PITPNM2: variants seen among roughly 807,000 people sequenced by gnomAD.
The protein encoded by PITPNM2 is phosphatidylinositol transfer protein membrane associated 2, also known as membrane-associated phosphatidylinositol transfer protein 2.
PITPNM2 carries 35 observed loss-of-function variants against 132.2 expected under a neutral mutation model. The ratio of observed to expected loss-of-function variants is 0.26; its 90% CI spans 0.20 to 0.35. The LOEUF is 0.35. Ranked by LOEUF, PITPNM2 falls within the 10% of genes least tolerant of loss-of-function variation. The pLI is 1.00. For synonymous variants in PITPNM2, 738 were observed against 799.2 expected (o/e 0.92, Z 1.29); for missense variants, 1,332 against 1,912.0 (o/e 0.70, Z 5.66).
At position 123,111,627 on chromosome 12, in the gene PITPNM2, C is replaced by T. The variant is rs966918780; in HGVS notation, c.-199-1139G>A. On this transcript the variant is annotated intron_variant, in intron 1 of 25. Coordinates refer to ENST00000320201, the MANE Select transcript of PITPNM2 (RefSeq NM_020845.3). The surrounding 1 kb of genome is among the most constrained non-coding windows in gnomAD (Gnocchi z 4.1). ...AGGGAGCGGGCGGCTCTTCCAACCC[C>T]GCCACCGCCACCGCGTCCTGCATGC... Among the ~76,000 whole-genome samples, 30 of 152,304 alleles carry T rather than the reference C, an allele frequency of 2.0e-4. No individual in the cohort carries two copies. Among genetic ancestry groups the T allele is most frequent in the African/African-American group, 6.5e-4 (27 of 41,564 alleles).
intron 1 of PITPNM2, among the ~76,000 whole-genome samples, chr12:123,128,960 T>C (rs959820878): frequency 6.6e-6 from 1 of 151,120 alleles, no homozygotes; most frequent in Non-Finnish European, 1.5e-5. Flanking sequence ...CATGGCGAAA[T>C]CCCGTCTTTA....
chr12:123,000,332 T>C lies in PITPNM2; in HGVS notation c.1224+446A>G, dbSNP rs1400276342. The stretch of plus-strand genomic sequence containing the variant: ...ACCAAGACAGTTTTATTGGACACAC[T>C]GAGCTCCGCCTGCCTCCCGCGGGGC... On this transcript the variant is annotated intron_variant, in intron 10 of 25. Coordinates refer to ENST00000320201, the MANE Select transcript of PITPNM2 (RefSeq NM_020845.3). The surrounding 1 kb of genome is among the most constrained non-coding windows in gnomAD (Gnocchi z 5.4). The C allele has an allele frequency of 1.4e-6, 1 of 692,226 alleles. No homozygotes were observed. The highest frequency in any genetic ancestry group is 1.8e-5 in the African/African-American group (1 of 56,684). The allele number at this position is 692,226 out of a possible 1,614,324, so 42.9% of individuals were successfully genotyped here.
At chr12:123,100,570 G>A (rs1167383323) in intron 2 of PITPNM2, among the ~76,000 whole-genome samples, 1 of 151,696 alleles carries the variant, frequency 6.6e-6, no homozygotes, top group Non-Finnish European at 1.5e-5. Flanking sequence ...AAGTTGTAGT[G>A]AGCTGAGATT....
Position 123,064,722 on chromosome 12 carries a change from G to C in PITPNM2, c.-95-30037C>G, listed in dbSNP as rs188920866. Reference sequence around the variant, plus strand: ...ACAGGAGAAAATCAGGGAAGGTTGTGGGGGTAAGCACATCACCCTCACCCT... The same window carrying C: ...ACAGGAGAAAATCAGGGAAGGTTGTCGGGGTAAGCACATCACCCTCACCCT... On this transcript the variant is annotated intron_variant, in intron 2 of 25. Coordinates refer to ENST00000320201, the MANE Select transcript of PITPNM2 (RefSeq NM_020845.3). The surrounding 1 kb of genome is among the most constrained non-coding windows in gnomAD (Gnocchi z 4.0). Among the ~76,000 whole-genome samples the C allele has an allele frequency of 6.6e-6, 1 of 152,322 alleles. No homozygotes were observed. The highest frequency in any genetic ancestry group is 1.9e-4 in the East Asian group (1 of 5,184).
At chr12:123,016,740 A>G (rs970795387) in intron 3 of PITPNM2, among the ~76,000 whole-genome samples, 2 of 152,170 alleles carry the variant, frequency 1.3e-5, no homozygotes, top group African/African-American at 4.8e-5. Flanking sequence ...GTGGGAATGT[A>G]AAACTGTTGA....
intron 2 of PITPNM2, among the ~76,000 whole-genome samples, chr12:123,045,895 G>A (rs771021582): frequency 6.6e-6 from 1 of 152,022 alleles, no homozygotes; most frequent in Non-Finnish European, 1.5e-5. Flanking sequence ...CTGAGCCCCC[G>A]TGACTCCTTC....
chr12:123,102,373 G>A (rs144000910), intron 2 of PITPNM2, among the ~76,000 whole-genome samples: 3 of 152,390 alleles, frequency 2.0e-5, no homozygotes, highest in East Asian at 3.9e-4. Flanking sequence ...GCAAAGGGCA[G>A]TTGAGAATGG....
At chr12:123,119,465 C>G (rs2042992331) in intron 1 of PITPNM2, among the ~76,000 whole-genome samples, 1 of 150,672 alleles carries the variant, frequency 6.6e-6, no homozygotes, top group Admixed American at 6.6e-5. Context: ...TCACAACATT[C>G]TCCTGCCTCA....
chr12:123,151,533 G>A (rs1379179830), upstream of PITPNM2, among the ~76,000 whole-genome samples: 1 of 152,182 alleles, frequency 6.6e-6, no homozygotes, highest in African/African-American at 2.4e-5. Flanking sequence ...GCCCAGCCCC[G>A]GGCGCGGTGC....
intron 2 of PITPNM2, among the ~76,000 whole-genome samples, chr12:123,063,804 C>G (rs924044524): frequency 1.3e-5 from 2 of 152,206 alleles, no homozygotes; most frequent in African/African-American, 4.8e-5. Flanking sequence ...CCACCCCTCA[C>G]TTGGTCTTAA....
intron 2 of PITPNM2, among the ~76,000 whole-genome samples, chr12:123,045,960 C>T (rs542753114): frequency 6.6e-5 from 10 of 152,166 alleles, no homozygotes; most frequent in African/African-American, 1.9e-4. Context: ...GGTGTCCCAG[C>T]GAGGGTGTCA....
chr12:123,123,628 AAAATT>A (rs1213761495), intron 1 of PITPNM2, among the ~76,000 whole-genome samples: 1 of 152,104 alleles, frequency 6.6e-6, no homozygotes, highest in Non-Finnish European at 1.5e-5. Flanking sequence ...AAAACAAAAA[AAAATT>A]AAATTAAATT....
chr12:123,034,645 A>G lies in PITPNM2; in HGVS notation c.-55T>C, dbSNP rs1333287469. 1.3e-6 allele frequency: 2 copies of G among 1,506,112 alleles called. No individual in the cohort carries two copies. Among genetic ancestry groups the G allele is most frequent in the Non-Finnish European group, 1.8e-6 (2 of 1,081,780 alleles). 93.3% of individuals were successfully genotyped at this position (1,506,112 alleles called of 1,614,324 possible). ...GAACTGCAAGTTGGGACTTCTAGGCAAGGTTCCTTAAATAACCATGACAAA... is the reference window on the plus strand; with the variant it reads ...GAACTGCAAGTTGGGACTTCTAGGCGAGGTTCCTTAAATAACCATGACAAA... On this transcript the variant is annotated 5_prime_UTR_variant, in exon 3 of 26. Coordinates refer to ENST00000320201, the MANE Select transcript of PITPNM2 (RefSeq NM_020845.3).
At position 122,985,620 on chromosome 12, in the gene PITPNM2, C is replaced by T. The variant is rs777224667; in HGVS notation, c.*407G>A. 18 of 189,842 alleles carry T rather than the reference C, an allele frequency of 9.5e-5. No homozygotes were observed. The highest frequency in any genetic ancestry group is 1.9e-4 in the Non-Finnish European group (18 of 93,092). 11.8% of individuals were successfully genotyped at this position (189,842 alleles called of 1,614,324 possible). On this transcript the variant is annotated 3_prime_UTR_variant, in exon 26 of 26. Coordinates refer to ENST00000320201, the MANE Select transcript of PITPNM2 (RefSeq NM_020845.3). The stretch of plus-strand genomic sequence containing the variant: ...AGTTAACAAGATGCAGGCTGGACCC[C>T]TGTTGGAGCTGCTACCAAATGGGAG...
At chr12:123,118,494 G>T (rs995820235) in intron 1 of PITPNM2, among the ~76,000 whole-genome samples, 2 of 152,238 alleles carry the variant, frequency 1.3e-5, no homozygotes, top group African/African-American at 4.8e-5. Flanking sequence ...TTAGCTGTGT[G>T]CTTCCTGGTA....
intron 2 of PITPNM2, among the ~76,000 whole-genome samples, chr12:123,103,989 G>A (rs551230445): frequency 2.8e-4 from 42 of 152,058 alleles, no homozygotes; most frequent in African/African-American, 1.0e-3. Flanking sequence ...TTGGCTAACC[G>A]CAACCTCCGC....
intron 3 of PITPNM2, among the ~76,000 whole-genome samples, chr12:123,019,024 T>C (rs2039563643): frequency 6.6e-6 from 1 of 152,122 alleles, no homozygotes; most frequent in African/African-American, 2.4e-5. Context: ...CCCCAAGTGA[T>C]CCACCTGCCT....
chr12:123,084,674 C>T (rs1343342594), intron 2 of PITPNM2: 1 of 152,176 alleles, frequency 6.6e-6, no homozygotes, highest in African/African-American at 2.4e-5. Context: ...TTTCTAGCAC[C>T]AGCAGCAATT....
chr12:122,999,505 G>A (rs1192659009), intron 10 of PITPNM2, among the ~76,000 whole-genome samples: 1 of 152,202 alleles, frequency 6.6e-6, no homozygotes, highest in African/African-American at 2.4e-5. Flanking sequence ...ACAGGGAGGT[G>A]ACATCCAGCG....
Sources: gnomAD v4.1 joint callset for allele counts (sites outside exome capture counted in the v4.1 genomes callset) on GRCh38, gnomAD v4.1.1 for gene constraint, Gnocchi (gnomAD v3.1) non-coding constraint, MANE v1.5 for transcripts, NCBI Gene and HGNC (gene_info 2026-07-23, HGNC 2026-07-21) for gene names.